The following HMGB1 variants were observed in gnomAD, a reference collection of about 807,000 sequenced individuals.
HMGB1 encodes the protein high mobility group protein B1.
For missense variants in HMGB1, 79 were observed against 253.5 expected (o/e 0.31, Z 4.67); for synonymous variants, 81 against 84.0 (o/e 0.96, Z 0.19).
At position 30,588,156 on chromosome 13, in the gene HMGB1, C is replaced by A. The variant is rs139711715; in HGVS notation, c.-15+28515G>T. On this transcript the variant is annotated intron_variant, in intron 1 of 4. Transcript: ENST00000405805. ...GGAAATAAAGAGCATAATATCTATT[C>A]TTAGAAAATAACATTAACACAAATA... is the stretch of plus-strand genomic sequence containing the variant. Among the ~76,000 whole-genome samples, 49 of 152,220 alleles carry A rather than the reference C, an allele frequency of 3.2e-4. No homozygotes were observed. The East Asian group carries it at 9.4e-3, about 29-fold the overall frequency.
chr13:30,456,760 C>CGGGGGG lies in HMGB1; in HGVS notation c.*4591_*4596dup, dbSNP rs386378689. On this transcript the variant is annotated 3_prime_UTR_variant, in exon 5 of 5. Coordinates refer to ENST00000341423, the MANE Select transcript of HMGB1 (RefSeq NM_002128.7). ...CAGCATAAATAACAGCTTTTGTGGGCGGGGGGGGGGGGTGGTGGGGTGCAA... is the reference window on the plus strand; with the variant it reads ...CAGCATAAATAACAGCTTTTGTGGGCGGGGGGGGGGGGGGGGGGTGGTGGGGTGCAA... 101 of 13,480 alleles carry CGGGGGG rather than the reference C, an allele frequency of 7.5e-3. No homozygotes were observed. Among genetic ancestry groups the CGGGGGG allele is most frequent in the African/African-American group, 0.01 (29 of 2,782 alleles). The allele number at this position is 13,480 out of a possible 1,614,324, so 0.8% of individuals were successfully genotyped here.
intron 1 of HMGB1, chr13:30,465,208 C>CGCT: frequency 1.3e-6 from 1 of 767,852 alleles, no homozygotes; most frequent in Non-Finnish European, 1.6e-6. Context: ...CCGCCGCCGC[C>CGCT]GCGACCGGGC....
intron 1 of HMGB1, among the ~76,000 whole-genome samples, chr13:30,474,003 A>G (rs1296895726): frequency 6.6e-6 from 1 of 152,214 alleles, no homozygotes; most frequent in Non-Finnish European, 1.5e-5. Context: ...AACAGGAAAT[A>G]TTATAGACAG....
In HMGB1 at chr13:30,555,739, CTAGTT is replaced by C. The variant is rs550389970; in HGVS notation, c.-15+60927_-15+60931del. On this transcript the variant is annotated intron_variant, in intron 1 of 4. Transcript: ENST00000405805. ...CCTTTGAATGACAGATTTAAGAAAA[CTAGTT>C]TAGATATCAATATCTCATTGGAATA... Among the ~76,000 whole-genome samples the C allele has an allele frequency of 8.5e-5, 13 of 152,220 alleles. 1 individual carries two copies. The South Asian group carries it at 2.7e-3, about 32-fold the overall frequency.
intron 1 of HMGB1, among the ~76,000 whole-genome samples, chr13:30,478,877 T>C (rs889780516): frequency 6.7e-6 from 1 of 149,926 alleles, no homozygotes; most frequent in Non-Finnish European, 1.5e-5. Context: ...TTTTCTTTTT[T>C]TTTTTTTTTG....
chr13:30,464,461 G>T, intron 1 of HMGB1: 1 of 985,080 alleles, frequency 1.0e-6, no homozygotes, highest in Non-Finnish European at 1.2e-6. Context: ...GGTGACTCCT[G>T]CGCGGGGCGA....
chr13:30,465,485 A>C (rs1886726032), intron 1 of HMGB1, among the ~76,000 whole-genome samples: 1 of 149,014 alleles, frequency 6.7e-6, no homozygotes. Context: ...AACACGTTCA[A>C]AATTTTTTTA....
chr13:30,524,495 C>T (rs1007465367), intron 1 of HMGB1, among the ~76,000 whole-genome samples: 4 of 151,672 alleles, frequency 2.6e-5, no homozygotes, highest in African/African-American at 7.3e-5. Flanking sequence ...CTTTACAAGG[C>T]GGCAGGAGAG....
rs765879901 is a variant in HMGB1 at position 30,591,993 on chromosome 13, T to C, written c.-15+24678A>G. Among the ~76,000 whole-genome samples the C allele has an allele frequency of 5.4e-4, 83 of 152,310 alleles. 1 individual carries two copies. The highest frequency in any genetic ancestry group is 1.9e-3 in the Admixed American group (29 of 15,294). On this transcript the variant is annotated intron_variant, in intron 1 of 4. Transcript: ENST00000405805. ...ATACTATAGTTAAATGCATTTCAAC[T>C]GCATGGGAGAAAGCAACTGTGTTCT...
At chr13:30,540,065 T>C in intron 1 of HMGB1, 1 of 154,226 alleles carries the variant, frequency 6.5e-6, no homozygotes, top group Non-Finnish European at 1.5e-5. Context: ...CTCTGATCTG[T>C]TTCACCCAGA....
At chr13:30,481,164 A>G (rs934827270) in intron 1 of HMGB1, among the ~76,000 whole-genome samples, 2 of 152,142 alleles carry the variant, frequency 1.3e-5, no homozygotes, top group Non-Finnish European at 2.9e-5. Context: ...TTTGTTAAAG[A>G]CAATTAGAAG....
At chr13:30,481,232 C>T (rs1039126825) in intron 1 of HMGB1, among the ~76,000 whole-genome samples, 2 of 150,444 alleles carry the variant, frequency 1.3e-5, no homozygotes, top group African/African-American at 2.4e-5. Context: ...ACTGAACTTT[C>T]GATCTTTTTC....
rs930900763 is a variant in HMGB1 at position 30,554,805 on chromosome 13, A to T, written c.-15+61866T>A. On this transcript the variant is annotated intron_variant, in intron 1 of 4. Coordinates refer to the HMGB1 transcript ENST00000405805. ...GAACGAACAAAAAAGAAAAAGGCCAAGATAGACACCTAATATTCATGACTT... is the reference window on the plus strand; with the variant it reads ...GAACGAACAAAAAAGAAAAAGGCCATGATAGACACCTAATATTCATGACTT... 5.2e-6 allele frequency: 4 copies of T among 763,626 alleles called. No individual in the cohort carries two copies. The African/African-American group carries it at 6.8e-5, about 13-fold the overall frequency. 47.3% of individuals were successfully genotyped at this position (763,626 alleles called of 1,614,324 possible).
chr13:30,559,653 G>A lies in HMGB1; in HGVS notation c.-15+57018C>T, dbSNP rs1167204942. On this transcript the variant is annotated intron_variant, in intron 1 of 4. Transcript: ENST00000405805. This position sits in a 1 kb window ranked among gnomAD's most constrained non-coding sequence, Gnocchi z 6.6. ...TTCAGCTGCAAATAGATGGACACCT[G>A]GAATTCTGGGAAGTTCTAGCTGCTG... 1.3e-5 allele frequency among the ~76,000 whole-genome samples: 2 copies of A among 152,114 alleles called. No individual in the cohort carries two copies. Among genetic ancestry groups the A allele is most frequent in the Non-Finnish European group, 2.9e-5 (2 of 68,042 alleles).
intron 1 of HMGB1, among the ~76,000 whole-genome samples, chr13:30,524,919 GT>G (rs960077171): frequency 1.3e-5 from 2 of 152,034 alleles, no homozygotes; most frequent in African/African-American, 2.4e-5. Context: ...TATATGCGTT[GT>G]TTTTTTATCA....
At chr13:30,604,542 C>T (rs1950435845) in intron 1 of HMGB1, among the ~76,000 whole-genome samples, 1 of 152,142 alleles carries the variant, frequency 6.6e-6, no homozygotes, top group African/African-American at 2.4e-5. Flanking sequence ...ACATTGCTGG[C>T]CCAAAACGTT....
At chr13:30,596,348 CTG>C (rs1160401039) in intron 1 of HMGB1, among the ~76,000 whole-genome samples, 26 of 152,192 alleles carry the variant, frequency 1.7e-4, no homozygotes, top group Admixed American at 1.1e-3. Flanking sequence ...CCAGATAAGT[CTG>C]TCTTTATAGT....
At chr13:30,554,392 T>C in intron 1 of HMGB1, 1 of 828,668 alleles carries the variant, frequency 1.2e-6, no homozygotes, top group Non-Finnish European at 2.1e-6. Flanking sequence ...AAGGAGATTA[T>C]ATTAACATTA....
At chr13:30,525,360 T>C (rs1211299116) in intron 1 of HMGB1, among the ~76,000 whole-genome samples, 2 of 152,224 alleles carry the variant, frequency 1.3e-5, no homozygotes, top group African/African-American at 4.8e-5. Context: ...TCTTGTTCTT[T>C]GGCGTACTCC....
Sources: gnomAD v4.1 joint callset for allele counts (sites outside exome capture counted in the v4.1 genomes callset) on GRCh38, gnomAD v4.1.1 for gene constraint, Gnocchi (gnomAD v3.1) non-coding constraint, MANE v1.5 for transcripts, NCBI Gene and HGNC (gene_info 2026-07-23, HGNC 2026-07-21) for gene names.